The following PRDM10 variants were observed in gnomAD, a reference collection of about 807,000 sequenced individuals.
The protein encoded by PRDM10 is PR/SET domain 10.
A neutral mutation model predicts 133.1 loss-of-function variants in PRDM10; 65 were observed. That is an observed-to-expected ratio of 0.49 (90% CI 0.40 to 0.60). PRDM10 has a LOEUF of 0.60. Ranked by LOEUF, PRDM10 falls within the 20% of genes least tolerant of loss-of-function variation. The probability of loss-of-function intolerance (pLI) is 0.00; values close to 1 mark genes in which losing one functional copy is unlikely to be tolerated. For synonymous variants in PRDM10, 582 were observed against 580.4 expected, an observed-to-expected ratio of 1.00 and a Z score of -0.04; for missense variants, 1,137 against 1,507.1, an observed-to-expected ratio of 0.75 and a Z score of 4.07.
intron 17 of PRDM10, chr11:129,914,396 A>G (rs1950286337): frequency 2.2e-6 from 1 of 448,288 alleles, no homozygotes; most frequent in Non-Finnish European, 4.1e-6. Context: ...GCAGCCAACC[A>G]GGATGGTTAA....
chr11:129,942,313 C>T (rs1051316775), intron 7 of PRDM10, 113 bp downstream of exon 7: 27 of 1,036,340 alleles, frequency 2.6e-5, no homozygotes, highest in Non-Finnish European at 3.5e-5. Flanking sequence ...CAGAAAATGA[C>T]CCCCCTCCCC....
intron 1 of PRDM10, among the ~76,000 whole-genome samples, chr11:129,993,631 C>T (rs1026413455): frequency 1.3e-5 from 2 of 152,072 alleles, no homozygotes; most frequent in African/African-American, 2.4e-5. Context: ...ACTACAGGCA[C>T]CCGCCACCAC....
chr11:129,971,507 C>T (rs2135947524), intron 1 of PRDM10, among the ~76,000 whole-genome samples: 1 of 152,206 alleles, frequency 6.6e-6, no homozygotes, highest in Non-Finnish European at 1.5e-5. Context: ...ACTCAAAAAC[C>T]TTGAGCTAAA....
chr11:129,974,725 C>T (rs1256506634), intron 1 of PRDM10, among the ~76,000 whole-genome samples: 3 of 152,194 alleles, frequency 2.0e-5, no homozygotes, highest in South Asian at 2.1e-4. Context: ...AAGACACGAA[C>T]GGCACCTCAA....
chr11:129,984,703 C>A (rs1386774663), intron 1 of PRDM10, among the ~76,000 whole-genome samples: 1 of 152,216 alleles, frequency 6.6e-6, no homozygotes, highest in Non-Finnish European at 1.5e-5. Flanking sequence ...TTTCTCCCAT[C>A]TCCCTGGCAA....
rs549722947 is a variant in PRDM10 at position 129,914,940 on chromosome 11, T to C, written c.2605A>G (p.Thr869Ala). The change falls in exon 17 of 21, where the codon ACA becomes GCA. Residue 869 changes from threonine (T) to alanine (A), a missense_variant. Physicochemically the swap from Thr to Ala is moderately conservative, Grantham distance 58. Coordinates refer to ENST00000360871, the MANE Select transcript of PRDM10 (RefSeq NM_199437.2). ...GCTGGGGTGGCACTGATCACAGCTG[T>C]CGTCAGTGGTGTGTGTATGGTGTTG... Reference protein sequence around the residue: ...LSNTIHTPLTTAVISATPAVL... With the variant: ...LSNTIHTPLTAAVISATPAVL... The C allele has an allele frequency of 5.0e-6, 8 of 1,614,188 alleles. No individual in the cohort carries two copies. Among genetic ancestry groups the C allele is most frequent in the South Asian group, 3.3e-5 (3 of 91,080 alleles).
chr11:129,902,307 T>C lies in PRDM10; in HGVS notation c.*6A>G, dbSNP rs1221006820. 1 of 1,613,402 alleles carries C rather than the reference T, an allele frequency of 6.2e-7. No homozygotes were observed. The highest frequency in any genetic ancestry group is 1.3e-5 in the African/African-American group (1 of 74,884). ...TGGGTGCTGGATTCAAGCTCCAGGGTGGAAGTCATGGTTTGGTGATATGCA... is the reference window on the plus strand; with the variant it reads ...TGGGTGCTGGATTCAAGCTCCAGGGCGGAAGTCATGGTTTGGTGATATGCA... On this transcript the variant is annotated 3_prime_UTR_variant, in exon 21 of 21. Coordinates refer to ENST00000360871, the MANE Select transcript of PRDM10 (RefSeq NM_199437.2).
At chr11:129,929,589 T>C (rs1264212295) in intron 11 of PRDM10, among the ~76,000 whole-genome samples, 1 of 152,148 alleles carries the variant, frequency 6.6e-6, no homozygotes, top group African/African-American at 2.4e-5. Context: ...CAACTAAGAC[T>C]GACCTCCAAA....
chr11:129,970,617 T>C (rs1951999874), intron 1 of PRDM10, among the ~76,000 whole-genome samples: 1 of 151,552 alleles, frequency 6.6e-6, no homozygotes. Context: ...CGATCTCAGC[T>C]CACTGCAACC....
intron 1 of PRDM10, among the ~76,000 whole-genome samples, chr11:130,002,052 C>G (rs1369690084): frequency 6.6e-6 from 1 of 151,572 alleles, no homozygotes; most frequent in African/African-American, 2.4e-5. Context: ...GCAGACAAAG[C>G]TGGGCGCCCC....
In PRDM10 at chr11:129,945,419, A is replaced by C. The variant is rs182060741; in HGVS notation, c.521-407T>G. On this transcript the variant is annotated intron_variant, in intron 5 of 20. Transcript: ENST00000360871. This position sits in a 1 kb window ranked among gnomAD's most constrained non-coding sequence, Gnocchi z 4.2. ...GTATGCCCATTATCTCAATAAAACT[A>C]TTCCGGGGCCGGGGAGGAACCCTGA... is the stretch of plus-strand genomic sequence containing the variant. 6.6e-6 allele frequency among the ~76,000 whole-genome samples: 1 copy of C among 152,330 alleles called. No homozygotes were observed. The highest frequency in any genetic ancestry group is 1.9e-4 in the East Asian group (1 of 5,182).
chr11:129,915,551 G>T (rs528063283), intron 16 of PRDM10, 109 bp downstream of exon 16: 1 of 1,202,304 alleles, frequency 8.3e-7, no homozygotes, highest in Non-Finnish European at 1.2e-6. Context: ...TCAGTCCCCC[G>T]TCAACTCAGA....
chr11:129,924,781 G>T, intron 12 of PRDM10, 101 bp downstream of exon 12: 2 of 977,188 alleles, frequency 2.0e-6, no homozygotes, highest in Non-Finnish European at 3.1e-6. Context: ...TTCAAAGAAG[G>T]GATGGAAATG....
intron 9 of PRDM10, 57 bp downstream of exon 9, chr11:129,935,044 G>T: frequency 6.9e-7 from 1 of 1,441,960 alleles, no homozygotes; most frequent in Non-Finnish European, 9.7e-7. Flanking sequence ...GGACAATATA[G>T]AAATGATTCT....
At chr11:129,986,765 C>T (rs116879668) in intron 1 of PRDM10, among the ~76,000 whole-genome samples, 1 of 152,228 alleles carries the variant, frequency 6.6e-6, no homozygotes, top group Non-Finnish European at 1.5e-5. Context: ...GCTCCATGAC[C>T]CAGGTGAGGG....
Position 129,923,693 on chromosome 11 carries a change from A to AGAGAGAGAGAGAGAGAGAGC in PRDM10, c.1879-291_1879-290insGCTCTCTCTCTCTCTCTCTC, listed in dbSNP as rs1491447398. On this transcript the variant is annotated intron_variant, in intron 12 of 20. Transcript: ENST00000360871. The surrounding 1 kb of genome is among the most constrained non-coding windows in gnomAD (Gnocchi z 4.4). ...GAGAGAGAGAGAGAGAGAGAGAGAG[A>AGAGAGAGAGAGAGAGAGAGC]GTGCTTGCTTGGTCAAAGCCCTGAT... Among the ~76,000 whole-genome samples, 2 of 135,600 alleles carry AGAGAGAGAGAGAGAGAGAGC rather than the reference A, an allele frequency of 1.5e-5. No individual in the cohort carries two copies. Among genetic ancestry groups the AGAGAGAGAGAGAGAGAGAGC allele is most frequent in the African/African-American group, 5.6e-5 (2 of 35,418 alleles). 89.0% of individuals were successfully genotyped at this position (135,600 alleles called of 152,430 possible).
Position 129,902,441 on chromosome 11 carries a change from C to T in PRDM10, c.3343G>A (p.Val1115Ile), listed in dbSNP as rs1949870098. The T allele has an allele frequency of 1.9e-6, 3 of 1,613,976 alleles. No individual in the cohort carries two copies. In the African/African-American group the frequency reaches 4.0e-5, roughly 22 times the overall value. The change falls in exon 21 of 21, where the codon GTC (valine) becomes ATC (isoleucine). Residue 1115 changes from valine (V) to isoleucine (I), a missense_variant. By Grantham distance (29) the Val-to-Ile change is conservative. Transcript: ENST00000360871. ...QTSALSGGVQ[V>I]EPPAHSDSLD... ...GAGTCACTGTGTGCAGGTGGCTCGA[C>T]CTGGACTCCACCAGAGAGGGCAGAA...
Position 129,947,974 on chromosome 11 carries a change from G to A in PRDM10, c.295-604C>T, listed in dbSNP as rs1399224853. ...CCACTTGTCTTTTAAAACTAAACAC[G>A]TCGTGCAACACATGGTTAACAAAGT... On this transcript the variant is annotated intron_variant, in intron 4 of 20. Coordinates refer to ENST00000360871, the MANE Select transcript of PRDM10 (RefSeq NM_199437.2). This position sits in a 1 kb window ranked among gnomAD's most constrained non-coding sequence, Gnocchi z 4.6. 4 of 451,136 alleles carry A rather than the reference G, an allele frequency of 8.9e-6. No individual in the cohort carries two copies. Among genetic ancestry groups the A allele is most frequent in the Non-Finnish European group, 1.3e-5 (3 of 224,722 alleles). The allele number at this position is 451,136 out of a possible 1,614,324, so 27.9% of individuals were successfully genotyped here.
At chr11:129,904,395 C>G (rs563683434) in intron 20 of PRDM10, among the ~76,000 whole-genome samples, 1 of 152,198 alleles carries the variant, frequency 6.6e-6, no homozygotes, top group South Asian at 2.1e-4. Flanking sequence ...GTGGCAAAAA[C>G]ATTATCTATA....
Sources: allele counts gnomAD v4.1 joint callset (sites outside exome capture counted in the v4.1 genomes callset), GRCh38; gene constraint gnomAD v4.1.1; non-coding constraint Gnocchi (gnomAD v3.1); transcripts MANE v1.5; gene names NCBI Gene and HGNC (gene_info 2026-07-23, HGNC 2026-07-21).